Variants in TPCN1 observed in about 807,000 individuals in gnomAD.
TPCN1 encodes the protein two pore channel protein 1.
Under a neutral mutation model 108.8 loss-of-function variants are expected in TPCN1, and 52 were observed. The ratio of observed to expected loss-of-function variants is 0.48; its 90% CI spans 0.38 to 0.60. TPCN1 has a LOEUF of 0.60. Among genes scored for constraint, TPCN1 ranks in the 20% least tolerant of loss-of-function variants. The pLI, the probability that TPCN1 is intolerant of heterozygous loss-of-function variation, is 0.00. For synonymous variants in TPCN1, 446 were observed against 433.7 expected (o/e 1.03, Z -0.35); for missense variants, 806 against 1,072.8 (o/e 0.75, Z 3.47).
intron 13 of TPCN1, 85 bp downstream of exon 13, chr12:113,278,322 A>T: frequency 8.1e-7 from 1 of 1,237,450 alleles, no homozygotes; most frequent in East Asian, 2.3e-5. Flanking sequence ...CCCGAGATCC[A>T]GCTCTCTCCC....
chr12:113,224,449 T>G (rs1198761567), intron 1 of TPCN1, among the ~76,000 whole-genome samples: 2 of 152,206 alleles, frequency 1.3e-5, no homozygotes, highest in South Asian at 2.1e-4. Flanking sequence ...CAGGCTGGAG[T>G]GCAGTGGTGC....
In TPCN1 at chr12:113,273,527, A is replaced by G. The variant is rs1436849244; in HGVS notation, c.843-42A>G. ...AGGCATGTGCTCTGAGAGGATGGAG[A>G]CAGGCAGATACAGCACGCCGGGTCA... On this transcript the variant is annotated intron_variant, in intron 9 of 27. Transcript: ENST00000335509. This position sits in a 1 kb window ranked among gnomAD's most constrained non-coding sequence, Gnocchi z 4.0. 6.7e-7 allele frequency: 1 copy of G among 1,493,588 alleles called. No homozygotes were observed. Among genetic ancestry groups the G allele is most frequent in the Non-Finnish European group, 9.3e-7 (1 of 1,070,560 alleles). 92.5% of individuals were successfully genotyped at this position (1,493,588 alleles called of 1,614,324 possible).
At chr12:113,245,285 G>GAA (rs1489744347) in intron 2 of TPCN1, among the ~76,000 whole-genome samples, 1 of 148,740 alleles carries the variant, frequency 6.7e-6, no homozygotes, top group Non-Finnish European at 1.5e-5. Flanking sequence ...AAGAAAGAAA[G>GAA]AAAATAAAAA....
Position 113,273,666 on chromosome 12 carries a change from C to G in TPCN1, c.940C>G (p.Leu314Val). The G allele has an allele frequency of 6.2e-7, 1 of 1,613,380 alleles. No individual in the cohort carries two copies. ...CATCGAGCTGTATTTCATCATGAAC[C>G]TGGTGAGTGACTATGCCTCAGGCTA... is the stretch of plus-strand genomic sequence containing the variant. ...LSIELYFIMN[L>V]LLAVVFDTFN... The change falls in exon 10 of 28, where the codon CTG (leucine) becomes GTG (valine). Residue 314 changes from leucine to valine, a missense_variant and splice_region_variant. Physicochemically the swap from Leu to Val is conservative, Grantham distance 32 (BLOSUM62 1). Coordinates refer to ENST00000335509, the MANE Select transcript of TPCN1 (RefSeq NM_017901.6). This position sits in a 1 kb window ranked among gnomAD's most constrained non-coding sequence, Gnocchi z 4.0.
intron 1 of TPCN1, among the ~76,000 whole-genome samples, chr12:113,223,626 C>G (rs1043888322): frequency 1.3e-5 from 2 of 152,176 alleles, no homozygotes; most frequent in African/African-American, 4.8e-5. Flanking sequence ...TCACTGCAAC[C>G]TCTGCCTCCT....
At position 113,291,952 on chromosome 12, in the gene TPCN1, T is replaced by G. The variant is rs755149515; in HGVS notation, c.2107T>G (p.Ser703Ala). ...RMNYSRKNQD[S>A]EVDGGITLEK... ...GAACTACAGCCGCAAGAACCAGGAC[T>G]CGGAAGGTCTGTGCAGGGATGATGC... is the stretch of plus-strand genomic sequence containing the variant. Residue 703 changes from serine (S) to alanine (A), a missense_variant, in exon 25 of 28, where the codon TCG becomes GCG. Ser to Ala is a moderately conservative substitution (Grantham distance 99, BLOSUM62 1). Transcript: ENST00000335509. The G allele has an allele frequency of 1.2e-6, 2 of 1,613,790 alleles. No individual in the cohort carries two copies. Among genetic ancestry groups the G allele is most frequent in the Non-Finnish European group, 8.5e-7 (1 of 1,179,862 alleles).
At chr12:113,240,913 A>AT (rs1304034750) in intron 2 of TPCN1, among the ~76,000 whole-genome samples, 1 of 151,832 alleles carries the variant, frequency 6.6e-6, no homozygotes, top group Non-Finnish European at 1.5e-5. Flanking sequence ...TGCCTGGCTA[A>AT]TTTTTGTATT....
chr12:113,293,020 T>G lies in TPCN1; in HGVS notation c.2200T>G (p.Ser734Ala). ...LELYREARGASSDVTRLLETL... is the reference protein window; with the variant it reads ...LELYREARGAASDVTRLLETL... The stretch of plus-strand genomic sequence containing the variant: ...GCTCTACCGGGAGGCACGGGGGGCC[T>G]CCTCGGATGTCACCAGGCTGCTGGA... The change falls in exon 26 of 28, where the codon TCC (serine) becomes GCC (alanine). Residue 734 changes from serine (S) to alanine (A), a missense_variant. Physicochemically the swap from Ser to Ala is moderately conservative, Grantham distance 99. Transcript: ENST00000335509. 6.2e-7 allele frequency: 1 copy of G among 1,613,180 alleles called. No individual in the cohort carries two copies.
intron 14 of TPCN1, among the ~76,000 whole-genome samples, chr12:113,279,385 ATATATATTTTTT>A (rs1955805005): frequency 4.6e-5 from 1 of 21,754 alleles, no homozygotes; most frequent in African/African-American, 2.6e-4. Flanking sequence ...ATATATATAT[ATATATATTTTTT>A]TTTTTTTTTT....
At chr12:113,275,807 A>G (rs929505914) in intron 10 of TPCN1, among the ~76,000 whole-genome samples, 24 of 149,510 alleles carry the variant, frequency 1.6e-4, no homozygotes, top group Non-Finnish European at 2.7e-4. Flanking sequence ...CAATCTCCTG[A>G]CCTTGTGATC....
Position 113,245,369 on chromosome 12 carries a change from G to A in TPCN1, c.113-14999G>A, listed in dbSNP as rs548838053. Among the ~76,000 whole-genome samples, 5 of 121,312 alleles carry A rather than the reference G, an allele frequency of 4.1e-5. 1 individual carries two copies. Among genetic ancestry groups the A allele is most frequent in the African/African-American group, 1.4e-4 (4 of 28,852 alleles). The allele number at this position is 121,312 out of a possible 152,430, so 79.6% of individuals were successfully genotyped here. ...TCCCAGCACTTTGGGAGGCCGAGGCGGGCGGATCACGAGGTCAGGAGATCG... is the reference window on the plus strand; with the variant it reads ...TCCCAGCACTTTGGGAGGCCGAGGCAGGCGGATCACGAGGTCAGGAGATCG... On this transcript the variant is annotated intron_variant, in intron 2 of 27. Coordinates refer to ENST00000335509, the MANE Select transcript of TPCN1 (RefSeq NM_017901.6).
chr12:113,272,731 G>C lies in TPCN1; in HGVS notation c.783+39G>C. Reference sequence around the variant, plus strand: ...ACATTTGTCCGTCTCTTCTTTTATGGAGGGCTTTTCCCTCAGACAGGGTCA... The same window carrying C: ...ACATTTGTCCGTCTCTTCTTTTATGCAGGGCTTTTCCCTCAGACAGGGTCA... On this transcript the variant is annotated intron_variant, in intron 8 of 27. Transcript: ENST00000335509. The surrounding 1 kb of genome is among the most constrained non-coding windows in gnomAD (Gnocchi z 4.1). The C allele has an allele frequency of 6.2e-7, 1 of 1,603,262 alleles. No homozygotes were observed. The highest frequency in any genetic ancestry group is 8.5e-7 in the Non-Finnish European group (1 of 1,170,122).
chr12:113,226,214 C>T (rs1276655250), intron 1 of TPCN1, among the ~76,000 whole-genome samples: 1 of 151,306 alleles, frequency 6.6e-6, no homozygotes, highest in East Asian at 1.9e-4. Context: ...AGCCACCCCA[C>T]CGGCCAATTT....
intron 2 of TPCN1, among the ~76,000 whole-genome samples, chr12:113,240,190 C>T (rs1383195930): frequency 6.6e-6 from 1 of 152,144 alleles, no homozygotes; most frequent in Non-Finnish European, 1.5e-5. Context: ...GCCTAGTTGG[C>T]CCATTTGATT....
At chr12:113,241,758 CTGCG>C (rs1555262433) in intron 2 of TPCN1, among the ~76,000 whole-genome samples, 2 of 119,616 alleles carry the variant, frequency 1.7e-5, no homozygotes, top group African/African-American at 7.2e-5. Context: ...TTGCGTGCCT[CTGCG>C]TGTGTGTGTG....
intron 23 of TPCN1, 34 bp downstream of exon 23, chr12:113,291,032 C>T (rs772242019): frequency 1.6e-5 from 25 of 1,609,416 alleles, no homozygotes; most frequent in South Asian, 4.4e-5. Flanking sequence ...GGTATCTTCC[C>T]GCCAGCCCTG....
At chr12:113,236,993 A>G (rs972769198) in intron 2 of TPCN1, among the ~76,000 whole-genome samples, 22 of 152,226 alleles carry the variant, frequency 1.4e-4, no homozygotes, top group African/African-American at 5.1e-4. Flanking sequence ...TCTGTTTTAC[A>G]GAGTGCCTAA....
rs368755433 is a variant in TPCN1, at chr12:113,288,240, G to T, written c.1706+6G>T. The T allele has an allele frequency of 6.2e-7, 1 of 1,613,560 alleles. No individual in the cohort carries two copies. Among genetic ancestry groups the T allele is most frequent in the Non-Finnish European group, 8.5e-7 (1 of 1,179,936 alleles). On this transcript the variant is annotated splice_donor_region_variant and intron_variant, in intron 20 of 27. Coordinates refer to ENST00000335509, the MANE Select transcript of TPCN1 (RefSeq NM_017901.6). This position sits in a 1 kb window ranked among gnomAD's most constrained non-coding sequence, Gnocchi z 4.8. ...CTGCTGCCCCGGATGGCCAGGTACTGCCAGCCCCCACCCTGGCCTGCAGGT... is the reference window on the plus strand; with the variant it reads ...CTGCTGCCCCGGATGGCCAGGTACTTCCAGCCCCCACCCTGGCCTGCAGGT...
At position 113,288,987 on chromosome 12, in the gene TPCN1, C is replaced by CT. The variant is rs1027030720; in HGVS notation, c.1796+142dup. 1.2e-6 allele frequency: 1 copy of CT among 809,498 alleles called. No homozygotes were observed. The highest frequency in any genetic ancestry group is 2.0e-6 in the Non-Finnish European group (1 of 492,982). 50.1% of individuals were successfully genotyped at this position (809,498 alleles called of 1,614,324 possible). The stretch of plus-strand genomic sequence containing the variant: ...CAACCACCTTGCTTTGCTTTCAGGG[C>CT]TTAGTTGAGTGCAGTGAGCTAAATG... On this transcript the variant is annotated intron_variant, in intron 21 of 27. Transcript: ENST00000335509. The surrounding 1 kb of genome is among the most constrained non-coding windows in gnomAD (Gnocchi z 4.8).
Sources: allele counts gnomAD v4.1 joint callset (sites outside exome capture counted in the v4.1 genomes callset), GRCh38; gene constraint gnomAD v4.1.1; non-coding constraint Gnocchi (gnomAD v3.1); transcripts MANE v1.5; gene names NCBI Gene and HGNC (gene_info 2026-07-23, HGNC 2026-07-21).